SH3PXD2B: variants seen among roughly 807,000 people sequenced by gnomAD.
The protein encoded by SH3PXD2B is SH3 and PX domains 2B, also known as SH3 and PX domain-containing protein 2B.
Under a neutral mutation model 73.1 loss-of-function variants are expected in SH3PXD2B, and 37 were observed. The observed-to-expected ratio is 0.51, with a 90% CI of 0.39 to 0.67. SH3PXD2B has a LOEUF of 0.67. Among genes scored for constraint, SH3PXD2B ranks in the 30% least tolerant of loss-of-function variants. The probability of loss-of-function intolerance (pLI) is 0.00; values close to 1 mark genes in which losing one functional copy is unlikely to be tolerated. For synonymous variants in SH3PXD2B, 457 were observed against 480.5 expected (o/e 0.95, Z 0.64); for missense variants, 1,053 against 1,197.8 (o/e 0.88, Z 1.78).
At chr5:172,440,701 G>A (rs1759535679) in intron 1 of SH3PXD2B, among the ~76,000 whole-genome samples, 2 of 152,198 alleles carry the variant, frequency 1.3e-5, no homozygotes, top group Admixed American at 6.5e-5. Flanking sequence ...GCGTCCTAGA[G>A]AATGTCCAGG....
chr5:172,375,989 C>T (rs1448753655), intron 5 of SH3PXD2B, among the ~76,000 whole-genome samples: 3 of 151,964 alleles, frequency 2.0e-5, no homozygotes, highest in Admixed American at 2.0e-4. Flanking sequence ...TATGAAGGTT[C>T]CAACCTCTTC....
chr5:172,380,763 C>T (rs1340046172), intron 5 of SH3PXD2B, among the ~76,000 whole-genome samples: 1 of 152,240 alleles, frequency 6.6e-6, no homozygotes, highest in African/African-American at 2.4e-5. Context: ...TTGCCTCTTA[C>T]AGTCTCCCTT....
At chr5:172,348,681 A>G (rs542426496) in intron 10 of SH3PXD2B, among the ~76,000 whole-genome samples, 151 of 42,418 alleles carry the variant, frequency 3.6e-3, no homozygotes, top group African/African-American at 9.2e-3. Flanking sequence ...CTATCTATCT[A>G]TCTATCTATC....
rs776362872 is a variant in SH3PXD2B at position 172,336,172 on chromosome 5, C to T, written c.*2197G>A. On this transcript the variant is annotated 3_prime_UTR_variant, in exon 13 of 13. Transcript: ENST00000311601. ...ACACTCACAAAGTATCTGAAAGCGT[C>T]GCTGAAAGGCAAAGAGCAAATCAGA... The T allele has an allele frequency of 3.7e-5, 36 of 985,742 alleles. No homozygotes were observed. The highest frequency in any genetic ancestry group is 4.1e-5 in the Non-Finnish European group (34 of 830,260). 61.1% of individuals were successfully genotyped at this position (985,742 alleles called of 1,614,324 possible). A position where few individuals can be genotyped will look rare whatever the true frequency, so the allele number is the denominator to read the frequency against.
chr5:172,364,027 G>T (rs1757455171), intron 6 of SH3PXD2B, among the ~76,000 whole-genome samples: 1 of 152,230 alleles, frequency 6.6e-6, no homozygotes, highest in Non-Finnish European at 1.5e-5. Flanking sequence ...GAACGAAGTA[G>T]AGAGGTGCTC....
rs1318512112 is a variant in SH3PXD2B, at chr5:172,350,984, G to C, written c.786-395C>G. Among the ~76,000 whole-genome samples the C allele has an allele frequency of 3.9e-5, 6 of 152,232 alleles. No homozygotes were observed. In the East Asian group the frequency reaches 1.2e-3, roughly 29 times the overall value. On this transcript the variant is annotated intron_variant, in intron 9 of 12. Transcript: ENST00000311601. ...GTGGAGATTAAACATGCTTTCATAT[G>C]GGATTAGCAGGTTGAGGGCTGGGTC... is the stretch of plus-strand genomic sequence containing the variant.
exon 13 of SH3PXD2B, chr5:172,325,348 C>G: frequency 6.5e-7 from 1 of 1,535,506 alleles, no homozygotes; most frequent in Non-Finnish European, 8.7e-7. Context: ...GAGGGACTTC[C>G]ACAGGGCTCT....
chr5:172,339,279 T>C lies in SH3PXD2B; in HGVS notation c.1826A>G (p.Lys609Arg). Residue 609 changes from lysine to arginine, a missense_variant, in exon 13 of 13, where the codon AAG becomes AGG. Around this residue, in one of 2 missense-constraint regions of SH3PXD2B, gnomAD observed 587 missense variants for 590.7 expected, o/e 0.99. Transcript: ENST00000311601. This position sits in a 1 kb window ranked among gnomAD's most constrained non-coding sequence, Gnocchi z 6.1. ...TTTGGAGATGGGCCGGAGGTTGGGCTTCTTCACTTCCTTGGCCAAGACCTT... is the reference window on the plus strand; with the variant it reads ...TTTGGAGATGGGCCGGAGGTTGGGCCTCTTCACTTCCTTGGCCAAGACCTT... ...GHKVLAKEVK[K>R]PNLRPISKSK... 1 of 1,614,214 alleles carries C rather than the reference T, an allele frequency of 6.2e-7. No individual in the cohort carries two copies. The highest frequency in any genetic ancestry group is 1.1e-5 in the South Asian group (1 of 91,080).
chr5:172,423,469 T>C (rs1759018909), intron 1 of SH3PXD2B, among the ~76,000 whole-genome samples: 1 of 147,434 alleles, frequency 6.8e-6, no homozygotes, highest in South Asian at 2.2e-4. Flanking sequence ...GGAGAGACAA[T>C]GCATACATAA....
intron 2 of SH3PXD2B, among the ~76,000 whole-genome samples, chr5:172,414,456 TAAAAAAAAAAAAAA>T (rs1007937801): frequency 6.4e-5 from 5 of 77,566 alleles, no homozygotes; most frequent in Admixed American, 1.6e-4. Flanking sequence ...GACTCCATCT[TAAAAAAAAAAAAAA>T]AAAAAAAAAA....
intron 3 of SH3PXD2B, among the ~76,000 whole-genome samples, chr5:172,394,982 C>T (rs962728221): frequency 6.6e-6 from 1 of 152,134 alleles, no homozygotes; most frequent in East Asian, 1.9e-4. Context: ...CTGTCCAACT[C>T]CAGGATTCTG....
intron 5 of SH3PXD2B, among the ~76,000 whole-genome samples, chr5:172,374,860 C>T (rs1757789429): frequency 6.6e-6 from 1 of 152,112 alleles, no homozygotes; most frequent in Non-Finnish European, 1.5e-5. Flanking sequence ...GTGCCGGCAC[C>T]CTGCTAGGCA....
intron 8 of SH3PXD2B, among the ~76,000 whole-genome samples, chr5:172,355,031 G>A (rs1757240262): frequency 6.6e-6 from 1 of 152,182 alleles, no homozygotes; most frequent in Non-Finnish European, 1.5e-5. Flanking sequence ...CAGCTGAAAT[G>A]GAGAAAAATG....
intron 2 of SH3PXD2B, among the ~76,000 whole-genome samples, chr5:172,417,354 T>C (rs1021541388): frequency 6.6e-6 from 1 of 152,190 alleles, no homozygotes; most frequent in African/African-American, 2.4e-5. Context: ...CCTGGGGCTG[T>C]GGCTGCCACC....
chr5:172,381,422 G>A (rs1757942745), intron 5 of SH3PXD2B, among the ~76,000 whole-genome samples: 1 of 152,192 alleles, frequency 6.6e-6, no homozygotes, highest in Non-Finnish European at 1.5e-5. Context: ...CAGAGTGTTG[G>A]TGCGTAAGTG....
chr5:172,417,553 A>G (rs1378858652), intron 2 of SH3PXD2B, among the ~76,000 whole-genome samples: 1 of 152,188 alleles, frequency 6.6e-6, no homozygotes, highest in Non-Finnish European at 1.5e-5. Context: ...TTTGTACCTA[A>G]AAGAGTTCTG....
At chr5:172,448,110 G>A (rs955154957) in intron 1 of SH3PXD2B, among the ~76,000 whole-genome samples, 11 of 152,364 alleles carry the variant, frequency 7.2e-5, no homozygotes, top group African/African-American at 2.6e-4. Flanking sequence ...AGACACAGTA[G>A]AGGACAAGAA....
At chr5:172,345,106 G>GA in intron 12 of SH3PXD2B, among the ~76,000 whole-genome samples, 1 of 147,254 alleles carries the variant, frequency 6.8e-6, no homozygotes, top group Admixed American at 6.7e-5. Context: ...AGGAGGGAAG[G>GA]AAGAAGGGAA....
chr5:172,420,594 T>C lies in SH3PXD2B; in HGVS notation c.156+1822A>G, dbSNP rs536611577. The stretch of plus-strand genomic sequence containing the variant: ...AGGCAGTCTTCTGACGGCCAGGAAA[T>C]GTTGACTTCACCTCTGTTCGCGGCA... On this transcript the variant is annotated intron_variant, in intron 2 of 12. Coordinates refer to ENST00000311601, the MANE Select transcript of SH3PXD2B (RefSeq NM_001017995.3). Among the ~76,000 whole-genome samples the C allele has an allele frequency of 2.6e-4, 40 of 152,272 alleles. 1 individual carries two copies. In the South Asian group the frequency reaches 6.8e-3, roughly 26 times the overall value.
Sources: gnomAD v4.1 joint callset for allele counts (sites outside exome capture counted in the v4.1 genomes callset) on GRCh38, gnomAD v4.1.1 for gene constraint, gnomAD v4.1.1 regional missense constraint, Gnocchi (gnomAD v3.1) non-coding constraint, MANE v1.5 for transcripts, NCBI Gene and HGNC (gene_info 2026-07-23, HGNC 2026-07-21) for gene names.